Variants in SHISA9 observed in about 807,000 individuals in gnomAD.
SHISA9 encodes shisa family member 9.
Under a neutral mutation model 38.0 loss-of-function variants are expected in SHISA9, and 13 were observed. That is an observed-to-expected ratio of 0.34 (90% CI 0.22 to 0.54). The LOEUF is 0.54. Among genes scored for constraint, SHISA9 ranks in the 20% least tolerant of loss-of-function variants. SHISA9 has a pLI of 0.91. For synonymous variants in SHISA9, 275 were observed against 242.0 expected, an observed-to-expected ratio of 1.14 and a Z score of -1.27; for missense variants, 538 against 575.8, an observed-to-expected ratio of 0.93 and a Z score of 0.67.
At chr16:13,475,114 A>C in the SHISA9 span, among the ~76,000 whole-genome samples, 1 of 152,200 alleles carries the variant, frequency 6.6e-6, no homozygotes, top group African/African-American at 2.4e-5. Context: ...CTTTGCAGCC[A>C]TTCAGAAGAT....
At chr16:13,161,520 C>A (rs1000798168) in intron 2 of SHISA9, among the ~76,000 whole-genome samples, 1 of 152,150 alleles carries the variant, frequency 6.6e-6, no homozygotes, top group Non-Finnish European at 1.5e-5. Flanking sequence ...CCCTGGCTGT[C>A]CCCCTACAGC....
the SHISA9 span, among the ~76,000 whole-genome samples, chr16:13,304,830 A>G: frequency 1.3e-5 from 2 of 152,204 alleles, no homozygotes; most frequent in Admixed American, 6.5e-5. Flanking sequence ...CCTGCCATTC[A>G]TTGGTTTCCA....
At chr16:13,202,213 C>T (rs1166951348) in intron 2 of SHISA9, among the ~76,000 whole-genome samples, 1 of 129,294 alleles carries the variant, frequency 7.7e-6, no homozygotes, top group Non-Finnish European at 1.7e-5. Flanking sequence ...TATTCTCTAG[C>T]TGTGCATGGC....
At chr16:13,205,237 C>T (rs2051053045) in intron 3 of SHISA9, among the ~76,000 whole-genome samples, 1 of 152,214 alleles carries the variant, frequency 6.6e-6, no homozygotes, top group South Asian at 2.1e-4. Flanking sequence ...CCAGGGGTGA[C>T]AGCCATTCAT....
At chr16:12,996,977 G>A (rs1381097191) in intron 2 of SHISA9, among the ~76,000 whole-genome samples, 3 of 152,162 alleles carry the variant, frequency 2.0e-5, no homozygotes, top group East Asian at 1.9e-4. Flanking sequence ...GGCTAGACTA[G>A]TTTTTATCAG....
the SHISA9 span, among the ~76,000 whole-genome samples, chr16:13,419,493 T>G: frequency 6.6e-6 from 1 of 152,234 alleles, no homozygotes; most frequent in Non-Finnish European, 1.5e-5. Context: ...CTAAGCATTT[T>G]TAGTTTTTAA....
At chr16:13,256,878 C>T in the SHISA9 span, among the ~76,000 whole-genome samples, 1 of 152,158 alleles carries the variant, frequency 6.6e-6, no homozygotes, top group African/African-American at 2.4e-5. Flanking sequence ...ATGTCTTAGA[C>T]CCCTTTAAGC....
At chr16:13,533,781 ATTTTT>A in the SHISA9 span, among the ~76,000 whole-genome samples, 571 of 128,158 alleles carry the variant, frequency 4.5e-3, 2 homozygotes, top group Non-Finnish European at 6.4e-3. Context: ...ATAACTCTCA[ATTTTT>A]TTTTTTTTTT....
the SHISA9 span, among the ~76,000 whole-genome samples, chr16:13,496,855 T>C: frequency 2.6e-5 from 4 of 152,168 alleles, no homozygotes; most frequent in Non-Finnish European, 5.9e-5. Flanking sequence ...GATATATCAG[T>C]GTCTATCTAT....
chr16:13,242,731 C>T (rs192137256), downstream of SHISA9, among the ~76,000 whole-genome samples: 562 of 152,298 alleles, frequency 3.7e-3, 8 homozygotes, highest in Admixed American at 0.034. Context: ...CAACCCTGCT[C>T]TCTGACTGGA....
At chr16:12,904,372 G>A (rs956094777) in intron 1 of SHISA9, among the ~76,000 whole-genome samples, 2 of 152,144 alleles carry the variant, frequency 1.3e-5, no homozygotes, top group African/African-American at 2.4e-5. Context: ...TTGGCCTGAC[G>A]GGAGGTGAGC....
intron 2 of SHISA9, among the ~76,000 whole-genome samples, chr16:13,004,467 TG>T (rs1287799978): frequency 6.6e-6 from 1 of 152,222 alleles, no homozygotes; most frequent in East Asian, 1.9e-4. Context: ...ATTCTAAAAG[TG>T]CTAGGAAGCC....
the SHISA9 span, among the ~76,000 whole-genome samples, chr16:13,289,019 A>G: frequency 1.3e-5 from 2 of 152,182 alleles, no homozygotes; most frequent in Non-Finnish European, 2.9e-5. Context: ...AGCAGTTGGT[A>G]TCACCTAAGC....
intron 2 of SHISA9, among the ~76,000 whole-genome samples, chr16:13,002,359 C>T (rs1457092170): frequency 1.3e-5 from 2 of 152,138 alleles, no homozygotes; most frequent in Non-Finnish European, 2.9e-5. Context: ...AATTTCACTG[C>T]TTGTCCCTGC....
At chr16:13,265,620 C>G in the SHISA9 span, among the ~76,000 whole-genome samples, 1 of 134,296 alleles carries the variant, frequency 7.4e-6, no homozygotes, top group African/African-American at 2.7e-5. Flanking sequence ...CTCTCCTTTT[C>G]TCTCCTCTTC....
chr16:13,113,569 G>A (rs1167283460), intron 2 of SHISA9, among the ~76,000 whole-genome samples: 1 of 152,208 alleles, frequency 6.6e-6, no homozygotes, highest in Non-Finnish European at 1.5e-5. Context: ...AGACATTGAA[G>A]TTCTGGGAAA....
intron 2 of SHISA9, among the ~76,000 whole-genome samples, chr16:12,987,653 C>G (rs1289981133): frequency 5.3e-5 from 8 of 152,092 alleles, no homozygotes. Flanking sequence ...GGCTTAATAC[C>G]TAGGGCTGAT....
At chr16:12,962,364 G>C (rs2071922396) in intron 2 of SHISA9, among the ~76,000 whole-genome samples, 1 of 152,172 alleles carries the variant, frequency 6.6e-6, no homozygotes, top group Non-Finnish European at 1.5e-5. Flanking sequence ...CAGTTCCCCA[G>C]TTGCATGAAT....
the SHISA9 span, among the ~76,000 whole-genome samples, chr16:13,402,512 C>CTT: frequency 1.1e-3 from 142 of 125,276 alleles, 2 homozygotes; most frequent in African/African-American, 2.9e-3. Context: ...AGAGGGTGGT[C>CTT]TTTTTTTTTT....
Sources: gnomAD v4.1 joint callset for allele counts (sites outside exome capture counted in the v4.1 genomes callset) on GRCh38, gnomAD v4.1.1 for gene constraint, MANE v1.5 for transcripts, NCBI Gene and HGNC (gene_info 2026-07-23, HGNC 2026-07-21) for gene names.